Variants in MICAL2 observed in about 807,000 individuals in gnomAD.
The protein encoded by MICAL2 is [F-actin]-monooxygenase MICAL2.
MICAL2 carries 77 observed loss-of-function variants against 127.3 expected under a neutral mutation model. The ratio of observed to expected loss-of-function variants is 0.60; its 90% CI spans 0.50 to 0.73. The LOEUF is 0.73. MICAL2 is among the 30% of genes least tolerant of loss of function. The pLI, the probability that MICAL2 is intolerant of heterozygous loss-of-function variation, is 0.00. For synonymous variants in MICAL2, 570 were observed against 551.1 expected (o/e 1.03, Z -0.48); for missense variants, 1,351 against 1,434.4 (o/e 0.94, Z 0.94).
rs570718475 is a variant in MICAL2 at position 12,148,824 on chromosome 11, G to A, written c.-78+10364G>A. Among the ~76,000 whole-genome samples, 1,981 of 111,946 alleles carry A rather than the reference G, an allele frequency of 0.018. 53 individuals carry two copies. The South Asian group carries it at 0.18, about 10-fold the overall frequency. The allele number at this position is 111,946 out of a possible 152,430, so 73.4% of individuals were successfully genotyped here. A position where few individuals can be genotyped will look rare whatever the true frequency, so the allele number is the denominator to read the frequency against. On this transcript the variant is annotated intron_variant, in intron 2 of 27. Transcript: ENST00000683283. ...TACAGTGTAGAAAAGGGGGCCCAGGGAGGGCAAATTATGCTTCAAAGAAGA... is the reference window on the plus strand; with the variant it reads ...TACAGTGTAGAAAAGGGGGCCCAGGAAGGGCAAATTATGCTTCAAAGAAGA...
chr11:12,247,536 G>T (rs966835868), intron 21 of MICAL2, among the ~76,000 whole-genome samples: 1 of 152,092 alleles, frequency 6.6e-6, no homozygotes, highest in Admixed American at 6.5e-5. Flanking sequence ...ACCTACACTC[G>T]CAGGTTCATG....
At chr11:12,111,367 AC>A (rs1849594471) in intron 1 of MICAL2, among the ~76,000 whole-genome samples, 1 of 151,874 alleles carries the variant, frequency 6.6e-6, no homozygotes. Flanking sequence ...GCCCAGGAGC[AC>A]CCCCGCAGGG....
chr11:12,335,185 G>C (rs1263219885), intron 32 of MICAL2, among the ~76,000 whole-genome samples: 4 of 150,150 alleles, frequency 2.7e-5, no homozygotes, highest in East Asian at 3.9e-4. Context: ...GTTTTGATTT[G>C]CATTTCTCTG....
At position 12,208,240 on chromosome 11, in the gene MICAL2, T is replaced by A. The variant is rs558567106; in HGVS notation, c.589+101T>A. On this transcript the variant is annotated intron_variant, in intron 5 of 27. Coordinates refer to ENST00000683283, the MANE Select transcript of MICAL2 (RefSeq NM_001282663.2). ...GTGTTTCTGTAGGAGTTATTCTTACTGGGAGCTGGTTGGCATAATGCCACT... is the reference window on the plus strand; with the variant it reads ...GTGTTTCTGTAGGAGTTATTCTTACAGGGAGCTGGTTGGCATAATGCCACT... 193 of 926,504 alleles carry A rather than the reference T, an allele frequency of 2.1e-4. 1 individual carries two copies. Among genetic ancestry groups the A allele is most frequent in the Non-Finnish European group, 3.8e-5 (22 of 585,434 alleles). 57.4% of individuals were successfully genotyped at this position (926,504 alleles called of 1,614,324 possible).
At chr11:12,239,620 C>A (rs1479479346) in intron 17 of MICAL2, 35 bp downstream of exon 17, 1 of 1,603,450 alleles carries the variant, frequency 6.2e-7, no homozygotes, top group African/African-American at 1.3e-5. Flanking sequence ...GACCTAACTT[C>A]CTGGTGACTT....
At chr11:12,258,079 A>G (rs1350808596) in intron 24 of MICAL2, among the ~76,000 whole-genome samples, 3 of 152,092 alleles carry the variant, frequency 2.0e-5, no homozygotes, top group Admixed American at 6.5e-5. Flanking sequence ...ATGTTGTCCT[A>G]TTTATTATAA....
rs971531888 is a variant in MICAL2, at chr11:12,263,617, C to T, written c.*75C>T. 6.5e-6 allele frequency: 1 copy of T among 152,680 alleles called. No individual in the cohort carries two copies. The highest frequency in any genetic ancestry group is 2.4e-5 in the African/African-American group (1 of 41,434). The allele number at this position is 152,680 out of a possible 1,614,324, so 9.5% of individuals were successfully genotyped here. A position where few individuals can be genotyped will look rare whatever the true frequency, so the allele number is the denominator to read the frequency against. ...GAGTGCCCTCCTCCCCTCTCAGCCT[C>T]CTCTTTAGCTAGCCTCCCCATCTCA... On this transcript the variant is annotated 3_prime_UTR_variant, in exon 28 of 28. Transcript: ENST00000683283.
At chr11:12,221,884 C>T (rs1047837848) in intron 10 of MICAL2, 125 bp downstream of exon 10, 4 of 646,754 alleles carry the variant, frequency 6.2e-6, no homozygotes, top group African/African-American at 5.5e-5. Flanking sequence ...TCTACCTTCC[C>T]ATGTGTGGCC....
chr11:12,341,328 G>A (rs1371221970), intron 32 of MICAL2, among the ~76,000 whole-genome samples: 1 of 151,920 alleles, frequency 6.6e-6, no homozygotes, highest in Non-Finnish European at 1.5e-5. Context: ...ATTCTAAGGA[G>A]GTGCAAAATC....
rs753633610 is a variant in MICAL2 at position 12,256,830 on chromosome 11, A to T, written c.3001A>T (p.Thr1001Ser). The part of the protein sequence containing the change: ...SFPLNLGGSD[T>S]CYFCKKRVYV... ...TCCCCTTAACCTGGGAGGCAGCGACACGTGTTACTTCTGTAAGAAACGTGT... is the reference window on the plus strand; with the variant it reads ...TCCCCTTAACCTGGGAGGCAGCGACTCGTGTTACTTCTGTAAGAAACGTGT... The change falls in exon 24 of 28, where the codon ACG becomes TCG. Residue 1001 changes from threonine to serine, a missense_variant. This residue lies in a region of MICAL2 where 752 missense variants were observed against 719.4 expected (regional missense o/e 1.05). Coordinates refer to ENST00000683283, the MANE Select transcript of MICAL2 (RefSeq NM_001282663.2). 2.5e-6 allele frequency: 4 copies of T among 1,613,980 alleles called. No homozygotes were observed. Among genetic ancestry groups the T allele is most frequent in the Non-Finnish European group, 3.4e-6 (4 of 1,179,890 alleles).
At chr11:12,247,639 C>T (rs929106213) in intron 21 of MICAL2, among the ~76,000 whole-genome samples, 12 of 152,198 alleles carry the variant, frequency 7.9e-5, no homozygotes, top group African/African-American at 2.9e-4. Flanking sequence ...GCCAGCCTCA[C>T]CCATTGCCTT....
intron 33 of MICAL2, among the ~76,000 whole-genome samples, chr11:12,350,521 G>C (rs996953128): frequency 6.6e-6 from 1 of 152,166 alleles, no homozygotes; most frequent in Non-Finnish European, 1.5e-5. Context: ...AGTGCCATAA[G>C]TTGTGCTGGG....
rs960629626 is a variant in MICAL2 at position 12,220,097 on chromosome 11, G to A, written c.949-104G>A. The A allele has an allele frequency of 6.0e-6, 8 of 1,340,632 alleles. No homozygotes were observed. The African/African-American group carries it at 8.7e-5, about 15-fold the overall frequency. 83.0% of individuals were successfully genotyped at this position (1,340,632 alleles called of 1,614,324 possible). On this transcript the variant is annotated intron_variant, in intron 8 of 27. Coordinates refer to ENST00000683283, the MANE Select transcript of MICAL2 (RefSeq NM_001282663.2). ...GGTTTTTATATGTCTTTTCTGACTA[G>A]CCTCACTGTAGGGACCCATTCCAAG...
rs1332869538 is a variant in MICAL2 at position 12,242,321 on chromosome 11, A to G, written c.2445A>G (p.Leu815=). 5.0e-6 allele frequency: 8 copies of G among 1,614,032 alleles called. No homozygotes were observed. The highest frequency in any genetic ancestry group is 5.1e-6 in the Non-Finnish European group (6 of 1,179,998). ...GGAGAGCCAGAGCCAAGTCTGACCT[A>G]CAGCTGGGTGGGACAGAAAATTTCG... ...RPWRARAKSD[L]QLGGTENFAT... The change falls in exon 19 of 28, where the codon CTA becomes CTG. Residue 815 remains leucine (L), a synonymous_variant. Transcript: ENST00000683283.
At chr11:12,143,121 G>C (rs951323952) in intron 2 of MICAL2, among the ~76,000 whole-genome samples, 1 of 152,202 alleles carries the variant, frequency 6.6e-6, no homozygotes, top group Non-Finnish European at 1.5e-5. Flanking sequence ...AGCACACAGG[G>C]AAGACTGCAT....
intron 3 of MICAL2, among the ~76,000 whole-genome samples, chr11:12,187,244 G>A (rs1802509560): frequency 6.6e-6 from 1 of 152,004 alleles, no homozygotes; most frequent in East Asian, 1.9e-4. Context: ...TATGTTTCTT[G>A]TTCCTTACAT....
intron 3 of MICAL2, among the ~76,000 whole-genome samples, chr11:12,167,811 C>A (rs533706673): frequency 6.6e-6 from 1 of 152,222 alleles, no homozygotes; most frequent in South Asian, 2.1e-4. Flanking sequence ...ACCACAGCTG[C>A]ACATGGAATG....
upstream of MICAL2, among the ~76,000 whole-genome samples, chr11:12,272,867 C>T (rs1418595726): frequency 6.6e-6 from 1 of 152,148 alleles, no homozygotes; most frequent in African/African-American, 2.4e-5. Flanking sequence ...TGACAGCCAA[C>T]TGGCAGGCCC....
chr11:12,127,139 G>A (rs1850993264), intron 1 of MICAL2, among the ~76,000 whole-genome samples: 1 of 152,140 alleles, frequency 6.6e-6, no homozygotes, highest in South Asian at 2.1e-4. Flanking sequence ...GGAGGATGAA[G>A]GCCCAGGGTC....
Sources: gnomAD v4.1 joint callset for allele counts (sites outside exome capture counted in the v4.1 genomes callset) on GRCh38, gnomAD v4.1.1 for gene constraint, gnomAD v4.1.1 regional missense constraint, MANE v1.5 for transcripts, NCBI Gene and HGNC (gene_info 2026-07-23, HGNC 2026-07-21) for gene names.